MSH6: variants seen among roughly 807,000 people sequenced by gnomAD.
The protein encoded by MSH6 is mutS homolog 6.
In MSH6, 85 loss-of-function variants were observed where a neutral mutation model predicts 119.1. The observed-to-expected ratio is 0.71, with a 90% CI of 0.60 to 0.85. The LOEUF is 0.85. MSH6 is among the 40% of genes least tolerant of loss of function. MSH6 has a pLI of 0.00. For synonymous variants in MSH6, 830 were observed against 586.9 expected (o/e 1.41, Z -5.99); for missense variants, 2,163 against 1,655.3 (o/e 1.31, Z -5.32).
In MSH6 at chr2:47,783,480, G is replaced by T. The variant is rs755964436; in HGVS notation, c.247G>T (p.Ala83Ser). Residue 83 changes from alanine (A) to serine (S), a missense_variant, in exon 1 of 10, where the codon GCT becomes TCT. Transcript: ENST00000234420. ...AGGGCTGCGGAGATCGGTAGCGCCT[G>T]CTGCCCCCACCAGGTAGCGGGGTGG... Reference protein sequence around the residue: ...NGGLRRSVAPAAPTSCDFSPG... With the variant: ...NGGLRRSVAPSAPTSCDFSPG... The T allele has an allele frequency of 7.0e-7, 1 of 1,434,682 alleles. No individual in the cohort carries two copies. The highest frequency in any genetic ancestry group is 9.1e-7 in the Non-Finnish European group (1 of 1,093,930). The allele number at this position is 1,434,682 out of a possible 1,614,324, so 88.9% of individuals were successfully genotyped here.
intron 1 of MSH6, chr2:47,783,749 C>T (rs1668161724): frequency 5.1e-6 from 2 of 393,832 alleles, no homozygotes; most frequent in South Asian, 9.2e-5. Flanking sequence ...GAGTTCGGGC[C>T]TTTTGGAGGG....
At chr2:47,797,430 G>C (rs769845806) in intron 3 of MSH6, among the ~76,000 whole-genome samples, 11 of 152,182 alleles carry the variant, frequency 7.2e-5, no homozygotes, top group Non-Finnish European at 1.3e-4. Context: ...GCCTAATACT[G>C]GTTTAACAAA....
Position 47,806,486 on chromosome 2 carries a change from G to T in MSH6, c.3836G>T (p.Ser1279Ile). Reference sequence around the variant, plus strand: ...GTAGAAAATGAATGTGAAGACCCCAGCCAGGAGACTATTACGTTCCTCTAT... The same window carrying T: ...GTAGAAAATGAATGTGAAGACCCCATCCAGGAGACTATTACGTTCCTCTAT... ...CMVENECEDP[S>I]QETITFLYKF... Residue 1279 changes from serine to isoleucine, a missense_variant, in exon 9 of 10, where the codon AGC becomes ATC. Transcript: ENST00000234420. 1 of 1,614,046 alleles carries T rather than the reference G, an allele frequency of 6.2e-7. No individual in the cohort carries two copies. Among genetic ancestry groups the T allele is most frequent in the Non-Finnish European group, 8.5e-7 (1 of 1,179,992 alleles).
rs1669447063 is a variant in MSH6, at chr2:47,800,291, G to A, written c.2308G>A (p.Gly770Ser). Residue 770 changes from glycine (G) to serine (S), a missense_variant, in exon 4 of 10, where the codon GGT (glycine) becomes AGT (serine). Physicochemically the swap from Gly to Ser is moderately conservative, Grantham distance 56. Transcript: ENST00000234420. ...GGTTGATACTTGCCATACTCCTTTT[G>A]GTAAGCGGCTCCTAAAGCAATGGCT... The part of the protein sequence containing the change: ...ERVDTCHTPF[G>S]KRLLKQWLCA... The A allele has an allele frequency of 6.2e-7, 1 of 1,613,982 alleles. No homozygotes were observed. The highest frequency in any genetic ancestry group is 1.3e-5 in the African/African-American group (1 of 74,900).
intron 1 of MSH6, 38 bp from the exon 2 acceptor site, chr2:47,790,889 A>G: frequency 6.2e-7 from 1 of 1,603,124 alleles, no homozygotes; most frequent in South Asian, 1.1e-5. Flanking sequence ...AAACTTGACC[A>G]AATATTAACT....
Position 47,799,716 on chromosome 2 carries a change from A to G in MSH6, c.1733A>G (p.His578Arg), listed in dbSNP as rs1553413111. The G allele has an allele frequency of 6.2e-7, 1 of 1,614,214 alleles. No homozygotes were observed. The highest frequency in any genetic ancestry group is 8.5e-7 in the Non-Finnish European group (1 of 1,180,040). ...ATAGGTCAGTTTTCAGATGATCGCC[A>G]TTGTTCGAGATTTAGGACTCTAGTG... ...FFIGQFSDDR[H>R]CSRFRTLVAH... The change falls in exon 4 of 10, where the codon CAT becomes CGT. Residue 578 changes from histidine (H) to arginine (R), a missense_variant. Transcript: ENST00000234420.
At chr2:47,792,701 C>CT (rs1668811121) in intron 2 of MSH6, among the ~76,000 whole-genome samples, 1 of 152,072 alleles carries the variant, frequency 6.6e-6, no homozygotes, top group Non-Finnish European at 1.5e-5. Context: ...GGGTCTCACT[C>CT]TGTCACCCAG....
chr2:47,809,291 A>C (rs760234770), downstream of MSH6: 1 of 1,395,044 alleles, frequency 7.2e-7, no homozygotes, highest in Non-Finnish European at 1.0e-6. Flanking sequence ...AGAATAAGTA[A>C]AAATTCAGAG....
chr2:47,806,782 A>AGTTTGCCTGGC lies in MSH6; in HGVS notation c.4006_4016dup (p.Ser1340PhefsTer10). The AGTTTGCCTGGC allele has an allele frequency of 6.3e-7, 1 of 1,592,908 alleles. No individual in the cohort carries two copies. The highest frequency in any genetic ancestry group is 8.6e-7 in the Non-Finnish European group (1 of 1,169,054). Reference sequence around the variant, plus strand: ...TTTTTTTTTTTTTAATTTTAAGGGAAGTTTGCCTGGCTAGTGAAAGGTCAA... The same window carrying AGTTTGCCTGGC: ...TTTTTTTTTTTTTAATTTTAAGGGAAGTTTGCCTGGCGTTTGCCTGGCTAGTGAAAGGTCAA... On this transcript the variant is annotated frameshift_variant, in exon 10 of 10. Transcript: ENST00000234420. LOFTEE classifies it high-confidence loss of function.
At position 47,803,456 on chromosome 2, in the gene MSH6, G is replaced by T. The variant is rs751475855; in HGVS notation, c.3209G>T (p.Gly1070Val). The change falls in exon 5 of 10, where the codon GGT becomes GTT. Residue 1070 changes from glycine to valine, a missense_variant. Gly to Val is a moderately radical substitution (Grantham distance 109). Transcript: ENST00000234420. ...LLCLANYSRG[G>V]DGPMCRPVIL... ...TGCCTGGCTAACTATAGTCGAGGGGGTGATGGTCCTATGTGTCGCCCAGTA... is the reference window on the plus strand; with the variant it reads ...TGCCTGGCTAACTATAGTCGAGGGGTTGATGGTCCTATGTGTCGCCCAGTA... 1.9e-6 allele frequency: 3 copies of T among 1,614,146 alleles called. No homozygotes were observed. Among genetic ancestry groups the T allele is most frequent in the African/African-American group, 1.3e-5 (1 of 75,024 alleles).
In MSH6 at chr2:47,806,052, A is replaced by T. The variant is rs1289146397; in HGVS notation, c.3647-152A>T. On this transcript the variant is annotated intron_variant, in intron 7 of 9. Transcript: ENST00000234420. ...TCACTCCCCATGGGCTGCTAAGCAG[A>T]CTCGTGTAGCTAAACAAGGCCTATT... 8 of 776,582 alleles carry T rather than the reference A, an allele frequency of 1.0e-5. 1 individual carries two copies. In the Middle Eastern group the frequency reaches 1.4e-3, roughly 139 times the overall value. The allele number at this position is 776,582 out of a possible 1,614,324, so 48.1% of individuals were successfully genotyped here. A position where few individuals can be genotyped will look rare whatever the true frequency, so the allele number is the denominator to read the frequency against.
rs1553333545 is a variant in MSH6, at chr2:47,806,548, T to TTTA, written c.3899_3901dup (p.Phe1300_Asn1301insIle). On this transcript the variant is annotated inframe_insertion, in exon 9 of 10. Coordinates refer to ENST00000234420, the MANE Select transcript of MSH6 (RefSeq NM_000179.3). ...GGGAGCTTGTCCTAAAAGCTATGGC[T>TTTA]TTAATGCAGCAAGGCTTGCTAATCT... The TTTA allele has an allele frequency of 6.2e-7, 1 of 1,613,874 alleles. No individual in the cohort carries two copies. The highest frequency in any genetic ancestry group is 8.5e-7 in the Non-Finnish European group (1 of 1,179,866).
At chr2:47,787,825 G>C (rs1410250844) in intron 1 of MSH6, among the ~76,000 whole-genome samples, 1 of 152,118 alleles carries the variant, frequency 6.6e-6, no homozygotes, top group Non-Finnish European at 1.5e-5. Flanking sequence ...TCACTGTGTA[G>C]CCCAGATGGT....
intron 1 of MSH6, among the ~76,000 whole-genome samples, chr2:47,790,448 G>GA (rs977758217): frequency 6.6e-6 from 1 of 152,114 alleles, no homozygotes; most frequent in African/African-American, 2.4e-5. Flanking sequence ...ACATAGGAGT[G>GA]TAACTGGAAA....
At chr2:47,806,694 A>AGTTTC (rs587779303) in intron 9 of MSH6, 43 bp downstream of exon 9, 2 of 1,590,116 alleles carry the variant, frequency 1.3e-6, no homozygotes, top group African/African-American at 2.7e-5. Context: ...ACTGACCTTA[A>AGTTTC]GTTTCAAAGA....
At chr2:47,809,318 A>G, downstream of MSH6, 1 of 1,181,708 alleles carries the variant, frequency 8.5e-7, no homozygotes, top group African/African-American at 1.6e-5. Flanking sequence ...TAATATTTTA[A>G]AAACCAAAGA....
intron 3 of MSH6, among the ~76,000 whole-genome samples, chr2:47,798,275 C>T (rs112488419): frequency 1.3e-5 from 2 of 152,150 alleles, no homozygotes; most frequent in Admixed American, 6.5e-5. Context: ...ATGGGGTTAT[C>T]CCATCCACAA....
At chr2:47,807,139 G>GTATAGGGCTGTA (rs1239711184), downstream of MSH6, 2 of 402,588 alleles carry the variant, frequency 5.0e-6, no homozygotes, top group Non-Finnish European at 9.0e-6. Context: ...CTATGAAACT[G>GTATAGGGCTGTA]TATAGGGCTG....
At chr2:47,791,168 G>T (rs776177315) in intron 2 of MSH6, 45 bp downstream of exon 2, 1 of 1,552,136 alleles carries the variant, frequency 6.4e-7, no homozygotes, top group African/African-American at 1.4e-5. Flanking sequence ...GTGTGTGTGT[G>T]TGTGTGTGAG....
Sources: allele counts gnomAD v4.1 joint callset (sites outside exome capture counted in the v4.1 genomes callset), GRCh38; gene constraint gnomAD v4.1.1; transcripts MANE v1.5; gene names NCBI Gene and HGNC (gene_info 2026-07-23, HGNC 2026-07-21).